Variants in THSD7B observed in about 807,000 individuals in gnomAD.
The protein encoded by THSD7B is thrombospondin type 1 domain containing 7B, also known as thrombospondin type-1 domain-containing protein 7B.
THSD7B carries 138 observed loss-of-function variants against 213.6 expected under a neutral mutation model. The ratio of observed to expected loss-of-function variants is 0.65; its 90% confidence interval spans 0.56 to 0.74. The LOEUF (loss-of-function observed/expected upper bound fraction) is 0.74, where lower values mean the gene tolerates loss of function less well. Among genes scored for constraint, THSD7B ranks in the 30% least tolerant of loss-of-function variants. THSD7B has a pLI of 0.00. For synonymous variants in THSD7B, 742 were observed against 687.0 expected (o/e 1.08, Z -1.25); for missense variants, 1,931 against 1,991.5 (o/e 0.97, Z 0.58).
intron 3 of THSD7B, among the ~76,000 whole-genome samples, chr2:137,071,812 A>G (rs1687494621): frequency 6.6e-6 from 1 of 152,186 alleles, no homozygotes; most frequent in Non-Finnish European, 1.5e-5. Context: ...ATCCAGTTTC[A>G]GCTTTCTACA....
intron 3 of THSD7B, among the ~76,000 whole-genome samples, chr2:137,090,711 A>T (rs552105409): frequency 2.9e-4 from 44 of 152,310 alleles, no homozygotes; most frequent in African/African-American, 9.9e-4. Context: ...AAGATACATG[A>T]TTTTCTACGA....
At chr2:137,382,945 C>G (rs1685809364) in intron 12 of THSD7B, among the ~76,000 whole-genome samples, 1 of 152,168 alleles carries the variant, frequency 6.6e-6, no homozygotes, top group African/African-American at 2.4e-5. Flanking sequence ...GTACTGACAC[C>G]ATATGGTTTG....
In THSD7B at chr2:136,811,371, G is replaced by A. The variant is rs565030854; in HGVS notation, c.-36+45684G>A. ...CATGGGAGGTAAGTAATTGTCATGTGAAATAGTAGAGAAATGAGGGTGAGG... is the reference window on the plus strand; with the variant it reads ...CATGGGAGGTAAGTAATTGTCATGTAAAATAGTAGAGAAATGAGGGTGAGG... On this transcript the variant is annotated intron_variant, in intron 1 of 27. Transcript: ENST00000409968. Among the ~76,000 whole-genome samples, 75 of 152,204 alleles carry A rather than the reference G, an allele frequency of 4.9e-4. 1 individual carries two copies. The highest frequency in any genetic ancestry group is 1.7e-3 in the African/African-American group (71 of 41,528).
chr2:136,986,715 C>A (rs1388830106), intron 2 of THSD7B, among the ~76,000 whole-genome samples: 1 of 151,982 alleles, frequency 6.6e-6, no homozygotes, highest in Non-Finnish European at 1.5e-5. Context: ...TTTTGAAAGT[C>A]AGATTAGTGT....
intron 3 of THSD7B, 123 bp downstream of exon 3, chr2:137,057,353 A>G (rs971857704): frequency 2.8e-6 from 3 of 1,055,254 alleles, no homozygotes; most frequent in Non-Finnish European, 4.0e-6. Context: ...TTAGGTTTTT[A>G]GAAGTTTCAT....
chr2:137,086,364 TA>T (rs928348755), intron 3 of THSD7B, among the ~76,000 whole-genome samples: 52 of 147,530 alleles, frequency 3.5e-4, no homozygotes, highest in Middle Eastern at 7.1e-3. Flanking sequence ...GTCTAAAAGT[TA>T]AAAAAAAAAA....
intron 12 of THSD7B, among the ~76,000 whole-genome samples, chr2:137,391,912 G>A (rs1393674297): frequency 2.0e-5 from 3 of 151,996 alleles, no homozygotes; most frequent in Admixed American, 2.0e-4. Context: ...CACTACTTTT[G>A]CTGTACCCAA....
intron 12 of THSD7B, among the ~76,000 whole-genome samples, chr2:137,283,248 A>G (rs940693913): frequency 1.3e-5 from 2 of 152,154 alleles, no homozygotes; most frequent in African/African-American, 4.8e-5. Flanking sequence ...ATTTTTGCAC[A>G]TTGATTTTGT....
chr2:137,499,997 G>C lies in THSD7B; in HGVS notation c.3138+48974G>C, dbSNP rs781432042. Among the ~76,000 whole-genome samples, 9 of 152,254 alleles carry C rather than the reference G, an allele frequency of 5.9e-5. 1 individual carries two copies. The highest frequency in any genetic ancestry group is 3.4e-3 in the Middle Eastern group (1 of 294). On this transcript the variant is annotated intron_variant, in intron 15 of 27. Transcript: ENST00000409968. ...ATGCAGATTAGAAGAAATATACGATGATAAAGGACTATAGCAGTATGTAAT... is the reference window on the plus strand; with the variant it reads ...ATGCAGATTAGAAGAAATATACGATCATAAAGGACTATAGCAGTATGTAAT...
chr2:136,906,256 G>T (rs981128411), intron 2 of THSD7B, among the ~76,000 whole-genome samples: 4 of 152,050 alleles, frequency 2.6e-5, no homozygotes, highest in African/African-American at 7.2e-5. Context: ...CTTTATGAGA[G>T]CTTCCTAACT....
chr2:137,561,000 A>G (rs1681106308), intron 15 of THSD7B, among the ~76,000 whole-genome samples: 1 of 152,186 alleles, frequency 6.6e-6, no homozygotes. Flanking sequence ...GAACAGCATG[A>G]ACAATTCTTA....
intron 16 of THSD7B, 48 bp from the exon 17 acceptor site, chr2:137,572,358 T>C: frequency 6.3e-7 from 1 of 1,598,872 alleles, no homozygotes; most frequent in Non-Finnish European, 8.6e-7. Context: ...TTAAATATAC[T>C]CTCCACTGTT....
chr2:136,818,945 C>A (rs577662759), intron 1 of THSD7B, among the ~76,000 whole-genome samples: 29 of 152,210 alleles, frequency 1.9e-4, no homozygotes, highest in African/African-American at 6.0e-4. Context: ...CTCAGTGGAG[C>A]ATTAGGTATT....
chr2:137,660,373 AT>A (rs147829272), intron 25 of THSD7B, among the ~76,000 whole-genome samples: 13,429 of 152,226 alleles, frequency 0.088, 679 homozygotes, highest in Middle Eastern at 0.16. Context: ...ACTATACTAC[AT>A]TTTTTAAAGA....
intron 2 of THSD7B, among the ~76,000 whole-genome samples, chr2:136,906,022 C>T (rs150766152): frequency 5.2e-4 from 79 of 152,358 alleles, no homozygotes; most frequent in Admixed American, 3.2e-3. Flanking sequence ...TAGTGAGAAA[C>T]ACAGTCTCAA....
At chr2:137,441,611 G>A (rs1461416603) in intron 14 of THSD7B, among the ~76,000 whole-genome samples, 2 of 152,040 alleles carry the variant, frequency 1.3e-5, no homozygotes, top group Admixed American at 6.6e-5. Flanking sequence ...GAAGAAATTG[G>A]AAACCTGCAG....
intron 12 of THSD7B, among the ~76,000 whole-genome samples, chr2:137,312,300 G>A (rs1383607074): frequency 1.3e-5 from 2 of 152,204 alleles, no homozygotes; most frequent in African/African-American, 4.8e-5. Flanking sequence ...GCGTAGAGGT[G>A]TTTATAGTAT....
intron 7 of THSD7B, among the ~76,000 whole-genome samples, chr2:137,216,122 T>C (rs1681236748): frequency 6.6e-6 from 1 of 152,132 alleles, no homozygotes; most frequent in African/African-American, 2.4e-5. Context: ...ATTCTGTATA[T>C]GAAAGTTTGT....
At chr2:136,775,609 G>A (rs1469913802) in intron 1 of THSD7B, among the ~76,000 whole-genome samples, 1 of 152,132 alleles carries the variant, frequency 6.6e-6, no homozygotes, top group Admixed American at 6.6e-5. Flanking sequence ...TGGGAGGTGG[G>A]AAGTGGAGCA....
Sources: allele counts gnomAD v4.1 joint callset (sites outside exome capture counted in the v4.1 genomes callset), GRCh38; gene constraint gnomAD v4.1.1; transcripts MANE v1.5; gene names NCBI Gene and HGNC (gene_info 2026-07-23, HGNC 2026-07-21).